Variants in RNF214 observed in about 807,000 individuals in gnomAD.
The protein encoded by RNF214 is ring finger protein 214.
A neutral mutation model predicts 75.9 loss-of-function variants in RNF214; 25 were observed. The observed-to-expected ratio is 0.33, with a 90% confidence interval of 0.24 to 0.46. The LOEUF (loss-of-function observed/expected upper bound fraction) is 0.46. Among genes scored for constraint, RNF214 ranks in the 20% least tolerant of loss-of-function variants. RNF214 has a pLI of 1.00. For synonymous variants in RNF214, 314 were observed against 308.8 expected, an observed-to-expected ratio of 1.02 and a Z score of -0.18; for missense variants, 725 against 857.5, an observed-to-expected ratio of 0.85 and a Z score of 1.93.
intron 10 of RNF214, 53 bp from the exon 11 acceptor site, chr11:117,281,841 A>G: frequency 6.3e-7 from 1 of 1,586,170 alleles, no homozygotes; most frequent in Non-Finnish European, 8.6e-7. Context: ...CCAGTTTCCT[A>G]AACTTTCTTT....
chr11:117,283,180 A>C lies in RNF214; in HGVS notation c.2016A>C (p.Pro672=), dbSNP rs1444881343. ...TCGTCCAGCCCAGTGAGCTGCATCC[A>C]ATGGCGTGTACCCATGTATTGCACA... The part of the protein sequence containing the change: ...QKLVQPSELH[P]MACTHVLHKE... Residue 672 remains proline (P), a synonymous_variant, in exon 14 of 15, where the codon CCA becomes CCC. Coordinates refer to ENST00000300650, the MANE Select transcript of RNF214 (RefSeq NM_207343.4). The C allele has an allele frequency of 6.2e-7, 1 of 1,613,830 alleles. No individual in the cohort carries two copies. The highest frequency in any genetic ancestry group is 1.3e-5 in the African/African-American group (1 of 74,900).
At position 117,233,252 on chromosome 11, in the gene RNF214, G is replaced by A. The variant is rs1311871032; in HGVS notation, c.-7+526G>A. Among the ~76,000 whole-genome samples the A allele has an allele frequency of 2.0e-5, 3 of 152,346 alleles. No individual in the cohort carries two copies. The South Asian group carries it at 6.2e-4, about 32-fold the overall frequency. ...AGAGGACCCCCCAGCCCTGGGCTAT[G>A]TTGGAGACGGGATGTTTGCACCTGA... On this transcript the variant is annotated intron_variant, in intron 1 of 14. Transcript: ENST00000300650.
In RNF214 at chr11:117,285,749, A is replaced by G. The variant is rs2134430295; in HGVS notation, c.*598A>G. 6.6e-6 allele frequency: 1 copy of G among 152,482 alleles called. No homozygotes were observed. Among genetic ancestry groups the G allele is most frequent in the African/African-American group, 2.4e-5 (1 of 41,582 alleles). The allele number at this position is 152,482 out of a possible 1,614,324, so 9.4% of individuals were successfully genotyped here. Reference sequence around the variant, plus strand: ...GTGTTAACGCTCATTATTTATACAGACATTAGGTTTACAGAATATTCTGTT... The same window carrying G: ...GTGTTAACGCTCATTATTTATACAGGCATTAGGTTTACAGAATATTCTGTT... On this transcript the variant is annotated 3_prime_UTR_variant, in exon 15 of 15. Coordinates refer to ENST00000300650, the MANE Select transcript of RNF214 (RefSeq NM_207343.4).
chr11:117,241,051 G>A (rs957490300), intron 4 of RNF214, among the ~76,000 whole-genome samples: 2 of 151,730 alleles, frequency 1.3e-5, no homozygotes, highest in African/African-American at 4.8e-5. Context: ...GTGGTGGCGT[G>A]TGCCTGTAAT....
chr11:117,244,711 G>A, intron 5 of RNF214, 126 bp downstream of exon 5: 1 of 687,414 alleles, frequency 1.5e-6, no homozygotes, highest in Non-Finnish European at 2.2e-6. Context: ...TGTCACTCAG[G>A]CTGGAATGTG....
chr11:117,282,081 G>A lies in RNF214; in HGVS notation c.1523G>A (p.Gly508Asp). 6.2e-7 allele frequency: 1 copy of A among 1,613,992 alleles called. No homozygotes were observed. The highest frequency in any genetic ancestry group is 8.5e-7 in the Non-Finnish European group (1 of 1,180,004). The stretch of plus-strand genomic sequence containing the variant: ...TCCTCACCCCTTCCTGGCTCCCATG[G>A]CAGAAATAGCCCTGGCTTGGGTTCC... ...QPSSPLPGSH[G>D]RNSPGLGSLV... Residue 508 changes from glycine to aspartate, a missense_variant, in exon 11 of 15, where the codon GGC becomes GAC. Gly to Asp is a moderately conservative substitution (Grantham distance 94). This residue lies in a region of RNF214 where 363 missense variants were observed against 513.0 expected (regional missense o/e 0.71). Transcript: ENST00000300650.
intron 6 of RNF214, among the ~76,000 whole-genome samples, chr11:117,265,466 T>G (rs1264308632): frequency 6.6e-6 from 1 of 152,060 alleles, no homozygotes; most frequent in Non-Finnish European, 1.5e-5. Context: ...CAGGCTGGAG[T>G]GCAATGGCGT....
At chr11:117,263,356 A>C (rs1418753571) in intron 6 of RNF214, among the ~76,000 whole-genome samples, 1 of 150,634 alleles carries the variant, frequency 6.6e-6, no homozygotes, top group African/African-American at 2.5e-5. Flanking sequence ...GCTCACTGCA[A>C]CCTCCGCCTA....
At chr11:117,277,558 G>A (rs985918516) in intron 6 of RNF214, among the ~76,000 whole-genome samples, 2 of 152,176 alleles carry the variant, frequency 1.3e-5, no homozygotes, top group African/African-American at 4.8e-5. Flanking sequence ...GGAGAATTGG[G>A]TCAAAAGCAA....
chr11:117,263,437 G>A (rs564885222), intron 6 of RNF214, among the ~76,000 whole-genome samples: 6 of 151,886 alleles, frequency 4.0e-5, no homozygotes, highest in South Asian at 2.1e-4. Flanking sequence ...CACCATGCCC[G>A]GCTAATTTTT....
intron 6 of RNF214, among the ~76,000 whole-genome samples, chr11:117,267,276 G>A (rs957241067): frequency 1.3e-5 from 2 of 152,080 alleles, no homozygotes; most frequent in Admixed American, 1.3e-4. Flanking sequence ...TTTTGTTGTG[G>A]TTCATGTATT....
At chr11:117,257,711 A>G in intron 6 of RNF214, among the ~76,000 whole-genome samples, 1 of 152,236 alleles carries the variant, frequency 6.6e-6, no homozygotes, top group Non-Finnish European at 1.5e-5. Context: ...GACAAAAAGA[A>G]TAATGAGAGA....
Position 117,239,079 on chromosome 11 carries a change from TC to T in RNF214, c.589del (p.Leu197Ter), listed in dbSNP as rs760741337. The T allele has an allele frequency of 6.2e-7, 1 of 1,613,412 alleles. No homozygotes were observed. The highest frequency in any genetic ancestry group is 8.5e-7 in the Non-Finnish European group (1 of 1,179,772). ...TCAGGATGATGATCAAGATAGCTCTTCCCTGAAGCTTTCTCAGAACATTGCT... is the reference window on the plus strand; with the variant it reads ...TCAGGATGATGATCAAGATAGCTCTTCCTGAAGCTTTCTCAGAACATTGCT... ...VDQDDDQDSS[S>X]LKLSQNIAVQ... is the part of the protein sequence containing the mutation. On this transcript the variant is annotated frameshift_variant, in exon 3 of 15. Coordinates refer to ENST00000300650, the MANE Select transcript of RNF214 (RefSeq NM_207343.4). LOFTEE classifies it high-confidence loss of function.
intron 14 of RNF214, 126 bp from the exon 15 acceptor site, chr11:117,284,960 A>T: frequency 3.0e-6 from 2 of 658,596 alleles, no homozygotes; most frequent in Non-Finnish European, 5.4e-6. Flanking sequence ...CAACAAAAAA[A>T]GCCCCTCTTG....
chr11:117,250,469 G>A (rs1204881114), intron 6 of RNF214, among the ~76,000 whole-genome samples: 1 of 151,752 alleles, frequency 6.6e-6, no homozygotes, highest in Admixed American at 6.6e-5. Context: ...GTAGAAGGAT[G>A]TTCTTGTTCA....
Position 117,234,222 on chromosome 11 carries a change from A to C in RNF214, c.-6-45A>C, listed in dbSNP as rs2032835566. 4.9e-6 allele frequency: 7 copies of C among 1,425,916 alleles called. No homozygotes were observed. In the East Asian group the frequency reaches 1.6e-4, roughly 33 times the overall value. The allele number at this position is 1,425,916 out of a possible 1,614,324, so 88.3% of individuals were successfully genotyped here. ...GAGGGGGGAGAGATACATTTGTTTT[A>C]AACTTTGGAAACTTGTAGCCTGTAA... On this transcript the variant is annotated intron_variant, in intron 1 of 14. Transcript: ENST00000300650.
chr11:117,257,592 T>A (rs1460447818), intron 6 of RNF214, among the ~76,000 whole-genome samples: 2 of 152,158 alleles, frequency 1.3e-5, no homozygotes, highest in Non-Finnish European at 2.9e-5. Flanking sequence ...GTTGACAACA[T>A]AGAGACGATA....
intron 6 of RNF214, among the ~76,000 whole-genome samples, chr11:117,269,608 C>T (rs867762458): frequency 1.3e-5 from 2 of 152,188 alleles, no homozygotes; most frequent in Non-Finnish European, 2.9e-5. Context: ...AGCAATCCAC[C>T]CGTCTCGGCC....
In RNF214 at chr11:117,286,175, A is replaced by T. The variant is rs1443084011; in HGVS notation, c.*1024A>T. ...TTTTAATTTTTGAAGCAAGAAAGTT[A>T]GGGGGGGACATATTTCCTGTCCTGG... On this transcript the variant is annotated 3_prime_UTR_variant, in exon 15 of 15. Coordinates refer to ENST00000300650, the MANE Select transcript of RNF214 (RefSeq NM_207343.4). 1 of 152,630 alleles carries T rather than the reference A, an allele frequency of 6.6e-6. No individual in the cohort carries two copies. The highest frequency in any genetic ancestry group is 1.5e-5 in the Non-Finnish European group (1 of 68,042). 9.5% of individuals were successfully genotyped at this position (152,630 alleles called of 1,614,324 possible). A position where few individuals can be genotyped will look rare whatever the true frequency, so the allele number is the denominator to read the frequency against.
Sources: allele counts gnomAD v4.1 joint callset (sites outside exome capture counted in the v4.1 genomes callset), GRCh38; gene constraint gnomAD v4.1.1; regional missense constraint gnomAD v4.1.1; transcripts MANE v1.5; gene names NCBI Gene and HGNC (gene_info 2026-07-23, HGNC 2026-07-21).